Variants in PUM1 observed in about 807,000 individuals in gnomAD.
The protein encoded by PUM1 is pumilio RNA binding family member 1, also known as pumilio homolog 1.
PUM1 carries 13 observed loss-of-function variants against 131.8 expected under a neutral mutation model. That is an observed-to-expected ratio of 0.10 (90% CI 0.06 to 0.16). The LOEUF (loss-of-function observed/expected upper bound fraction) is 0.16. PUM1 is among the 10% of genes least tolerant of loss of function. The probability of loss-of-function intolerance (pLI) is 1.00; values close to 1 mark genes in which losing one functional copy is unlikely to be tolerated. For synonymous variants in PUM1, 509 were observed against 556.5 expected, an observed-to-expected ratio of 0.91 and a Z score of 1.20; for missense variants, 961 against 1,512.4, an observed-to-expected ratio of 0.64 and a Z score of 6.05.
chr1:30,984,439 C>T (rs1224491437), intron 7 of PUM1, among the ~76,000 whole-genome samples: 5 of 152,144 alleles, frequency 3.3e-5, no homozygotes, highest in Non-Finnish European at 5.9e-5. Flanking sequence ...TTTCACAAAG[C>T]AAGCGAATAT....
At chr1:31,046,472 T>C (rs1202238202) in intron 2 of PUM1, among the ~76,000 whole-genome samples, 2 of 150,410 alleles carry the variant, frequency 1.3e-5, no homozygotes, top group Non-Finnish European at 3.0e-5. Flanking sequence ...GTCTAATAAC[T>C]GCAGCGGGGT....
intron 20 of PUM1, 50 bp downstream of exon 20, chr1:30,941,101 C>A: frequency 6.4e-7 from 1 of 1,559,722 alleles, no homozygotes. Context: ...TAGTTCAATA[C>A]TACTAATCCT....
intron 2 of PUM1, among the ~76,000 whole-genome samples, chr1:31,034,214 A>G (rs1431652686): frequency 1.3e-5 from 2 of 152,190 alleles, no homozygotes; most frequent in Non-Finnish European, 2.9e-5. Context: ...TGAACTGCTC[A>G]GTGTGTCTTT....
At chr1:31,006,352 T>C (rs1047135421) in intron 4 of PUM1, among the ~76,000 whole-genome samples, 1 of 152,360 alleles carries the variant, frequency 6.6e-6, no homozygotes, top group Admixed American at 6.5e-5. Flanking sequence ...TAAAACAAAA[T>C]ATGATTTTAC....
At position 31,038,956 on chromosome 1, in the gene PUM1, TTTTA is replaced by T. The variant is rs1320222564; in HGVS notation, c.364-10096_364-10093del. On this transcript the variant is annotated intron_variant, in intron 2 of 21. Coordinates refer to ENST00000426105, the MANE Select transcript of PUM1 (RefSeq NM_001020658.2). The stretch of plus-strand genomic sequence containing the variant: ...TATAGCCATTTAAAATGTTTTAAAA[TTTTA>T]TATATATATATATATATATATATAT... 6.6e-3 allele frequency among the ~76,000 whole-genome samples: 282 copies of T among 42,516 alleles called. 12 individuals carry two copies. The highest frequency in any genetic ancestry group is 9.3e-3 in the Non-Finnish European group (217 of 23,412). 27.9% of individuals were successfully genotyped at this position (42,516 alleles called of 152,430 possible). A position where few individuals can be genotyped will look rare whatever the true frequency, so the allele number is the denominator to read the frequency against.
chr1:30,959,043 TAGA>T (rs1298560638), intron 14 of PUM1, among the ~76,000 whole-genome samples: 1 of 152,208 alleles, frequency 6.6e-6, no homozygotes, highest in Non-Finnish European at 1.5e-5. Context: ...GACAAATTCC[TAGA>T]AGGTCACAAA....
At chr1:31,022,070 G>T (rs377649079) in intron 3 of PUM1, among the ~76,000 whole-genome samples, 2 of 98,762 alleles carry the variant, frequency 2.0e-5, no homozygotes, top group African/African-American at 1.1e-4. Flanking sequence ...TATTACTTCC[G>T]AGCCTAGAAA....
chr1:31,041,342 G>A (rs1643806820), intron 2 of PUM1, among the ~76,000 whole-genome samples: 1 of 151,568 alleles, frequency 6.6e-6, no homozygotes, highest in Non-Finnish European at 1.5e-5. Context: ...CTCCCAAAGT[G>A]CTAGGATTAC....
intron 7 of PUM1, among the ~76,000 whole-genome samples, chr1:30,983,169 T>C (rs1321943188): frequency 6.6e-6 from 1 of 152,204 alleles, no homozygotes; most frequent in African/African-American, 2.4e-5. Flanking sequence ...TAAAGATGTG[T>C]CTCACACAGT....
chr1:30,996,617 T>C (rs564225243), intron 5 of PUM1, among the ~76,000 whole-genome samples: 1 of 152,358 alleles, frequency 6.6e-6, no homozygotes, highest in South Asian at 2.1e-4. Flanking sequence ...TAGCTTCATG[T>C]GGCATCAAAA....
intron 16 of PUM1, among the ~76,000 whole-genome samples, chr1:30,951,251 A>G (rs1639922470): frequency 6.6e-6 from 1 of 152,238 alleles, no homozygotes; most frequent in Non-Finnish European, 1.5e-5. Flanking sequence ...CTCCAGAACT[A>G]GAAAGCTCAG....
chr1:31,059,085 G>C, intron 2 of PUM1, 119 bp downstream of exon 2: 1 of 1,195,322 alleles, frequency 8.4e-7, no homozygotes, highest in South Asian at 1.5e-5. Context: ...ACAAGTAACT[G>C]TTTGTACCAA....
At chr1:30,940,005 T>C (rs561292259) in intron 20 of PUM1, among the ~76,000 whole-genome samples, 51 of 152,294 alleles carry the variant, frequency 3.3e-4, no homozygotes, top group African/African-American at 1.1e-3. Flanking sequence ...CAAGAGATTC[T>C]GATCCCCATT....
intron 12 of PUM1, 29 bp from the exon 13 acceptor site, chr1:30,966,307 T>C: frequency 1.3e-6 from 2 of 1,541,850 alleles, no homozygotes; most frequent in South Asian, 1.3e-5. Flanking sequence ...ACCGTTTGGC[T>C]ATGAAAGGGA....
chr1:31,046,024 G>A (rs1643951347), intron 2 of PUM1, among the ~76,000 whole-genome samples: 4 of 152,090 alleles, frequency 2.6e-5, no homozygotes, highest in Admixed American at 2.6e-4. Flanking sequence ...GGAGATTGCA[G>A]TGAGCCGAGA....
At chr1:30,971,535 TA>T (rs1557562148) in intron 10 of PUM1, among the ~76,000 whole-genome samples, 1 of 152,210 alleles carries the variant, frequency 6.6e-6, no homozygotes, top group Non-Finnish European at 1.5e-5. Context: ...GTAAGCTAGT[TA>T]ACGGCAGAAG....
intron 7 of PUM1, among the ~76,000 whole-genome samples, chr1:30,987,197 T>TC (rs1425227540): frequency 7.3e-6 from 1 of 137,380 alleles, no homozygotes; most frequent in Non-Finnish European, 1.6e-5. Flanking sequence ...AGTAACAAAT[T>TC]TTTTTTTTTT....
intron 14 of PUM1, among the ~76,000 whole-genome samples, chr1:30,961,185 T>C (rs1037285874): frequency 6.6e-6 from 1 of 150,834 alleles, no homozygotes; most frequent in Non-Finnish European, 1.5e-5. Flanking sequence ...AGAGTGAAAC[T>C]CTATCTCAAA....
At chr1:30,964,977 T>A (rs1215306254) in intron 13 of PUM1, 67 bp from the exon 14 acceptor site, 2 of 1,336,044 alleles carry the variant, frequency 1.5e-6, no homozygotes, top group Non-Finnish European at 2.1e-6. Flanking sequence ...CCCAGTGACC[T>A]GTTCCTAACA....
Sources: gnomAD v4.1 joint callset for allele counts (sites outside exome capture counted in the v4.1 genomes callset) on GRCh38, gnomAD v4.1.1 for gene constraint, MANE v1.5 for transcripts, NCBI Gene and HGNC (gene_info 2026-07-23, HGNC 2026-07-21) for gene names.